Variants in RARB observed in about 807,000 individuals in gnomAD.
RARB encodes retinoic acid receptor beta.
In RARB, 17 loss-of-function variants were observed where a neutral mutation model predicts 51.9. The ratio of observed to expected loss-of-function variants is 0.33; its 90% confidence interval spans 0.22 to 0.49. The LOEUF (loss-of-function observed/expected upper bound fraction) is 0.49, where lower values mean the gene tolerates loss of function less well. Ranked by LOEUF, RARB falls within the 20% of genes least tolerant of loss-of-function variation. The pLI, the probability that RARB is intolerant of heterozygous loss-of-function variation, is 0.99. For missense variants in RARB, 369 were observed against 550.8 expected, an observed-to-expected ratio of 0.67 and a Z score of 3.30; for synonymous variants, 215 against 195.4, an observed-to-expected ratio of 1.10 and a Z score of -0.84.
chr3:25,006,194 A>G (rs998629116), intron 2 of RARB, among the ~76,000 whole-genome samples: 2 of 152,066 alleles, frequency 1.3e-5, no homozygotes, highest in African/African-American at 4.8e-5. Flanking sequence ...ACATTGCTTC[A>G]TTTGTATTCA....
chr3:24,960,328 G>C (rs780560081), intron 2 of RARB, among the ~76,000 whole-genome samples: 1 of 152,174 alleles, frequency 6.6e-6, no homozygotes, highest in African/African-American at 2.4e-5. Flanking sequence ...AGTAAGTTAT[G>C]CAGCACAGTG....
At position 25,062,973 on chromosome 3, in the gene RARB, G is replaced by A. The variant is rs150627326; in HGVS notation, c.-328+2797G>A. On this transcript the variant is annotated intron_variant, in intron 3 of 11. Coordinates refer to the RARB transcript ENST00000383772. ...AATGCACATGTTCAAAACTAGGAAC[G>A]ACAAAACTTGAGTCATACAACTCAT... Among the ~76,000 whole-genome samples, 29 of 151,986 alleles carry A rather than the reference G, an allele frequency of 1.9e-4. No homozygotes were observed. In the East Asian group the frequency reaches 2.7e-3, roughly 14 times the overall value.
intron 3 of RARB, among the ~76,000 whole-genome samples, chr3:25,509,952 T>C (rs1262728816): frequency 6.6e-6 from 1 of 152,130 alleles, no homozygotes; most frequent in African/African-American, 2.4e-5. Flanking sequence ...CCCAACCAAC[T>C]CCTGTCCACC....
chr3:25,153,512 G>C (rs1238925312), intron 4 of RARB, among the ~76,000 whole-genome samples: 1 of 152,168 alleles, frequency 6.6e-6, no homozygotes, highest in East Asian at 1.9e-4. Context: ...AATTCAATGA[G>C]GTTAGGGTTG....
intron 2 of RARB, among the ~76,000 whole-genome samples, chr3:24,943,943 GA>G (rs1695722014): frequency 6.6e-6 from 1 of 152,034 alleles, no homozygotes; most frequent in South Asian, 2.1e-4. Context: ...GTGAGGAGGG[GA>G]AAAAGAAAAA....
At chr3:25,595,749 A>C (rs1701793223) in intron 7 of RARB, among the ~76,000 whole-genome samples, 3 of 152,244 alleles carry the variant, frequency 2.0e-5, no homozygotes, top group Admixed American at 2.0e-4. Context: ...ATTTAAATTT[A>C]GCTACCTAGT....
intron 5 of RARB, among the ~76,000 whole-genome samples, chr3:25,384,566 T>C (rs958938514): frequency 6.6e-6 from 1 of 152,140 alleles, no homozygotes; most frequent in African/African-American, 2.4e-5. Context: ...CTTTGTAGCA[T>C]CAGAACTCTA....
chr3:24,850,841 T>C (rs1317788409), intron 1 of RARB, among the ~76,000 whole-genome samples: 1 of 152,166 alleles, frequency 6.6e-6, no homozygotes, highest in Non-Finnish European at 1.5e-5. Context: ...CAGAGGATGC[T>C]GATGCTGCCA....
Position 25,205,048 on chromosome 3 carries a change from C to T in RARB, c.178+30473C>T, listed in dbSNP as rs529908928. Among the ~76,000 whole-genome samples, 3 of 152,274 alleles carry T rather than the reference C, an allele frequency of 2.0e-5. No individual in the cohort carries two copies. In the South Asian group the frequency reaches 6.2e-4, roughly 32 times the overall value. ...GTGGAGTCTACAGAGGCAGGCAGAC[C>T]TCCTTGAGCTGTGGTGGGCTCTACC... is the stretch of plus-strand genomic sequence containing the variant. On this transcript the variant is annotated intron_variant, in intron 5 of 11. Coordinates refer to the RARB transcript ENST00000383772.
chr3:25,357,268 A>G (rs1183683686), intron 5 of RARB, among the ~76,000 whole-genome samples: 2 of 152,252 alleles, frequency 1.3e-5, no homozygotes, highest in African/African-American at 2.4e-5. Context: ...ATGACCAGTG[A>G]TAATGAGCTT....
intron 3 of RARB, among the ~76,000 whole-genome samples, chr3:25,506,334 A>G (rs1173040301): frequency 6.6e-6 from 1 of 151,542 alleles, no homozygotes; most frequent in Admixed American, 6.6e-5. Context: ...GGCCCTGTGC[A>G]GTAGCTCACA....
chr3:25,513,301 G>A (rs1697995200), intron 3 of RARB, among the ~76,000 whole-genome samples: 1 of 151,542 alleles, frequency 6.6e-6, no homozygotes, highest in African/African-American at 2.4e-5. Context: ...AAGAAAGAAA[G>A]AGACAGAGAG....
intron 5 of RARB, among the ~76,000 whole-genome samples, chr3:25,419,533 A>T (rs1294686983): frequency 2.0e-5 from 3 of 152,164 alleles, no homozygotes; most frequent in Non-Finnish European, 2.9e-5. Context: ...CAAGTTCTCT[A>T]AAGGTTCTCT....
intron 5 of RARB, among the ~76,000 whole-genome samples, chr3:25,384,426 CA>C (rs569455465): frequency 6.6e-6 from 1 of 152,172 alleles, no homozygotes; most frequent in Non-Finnish European, 1.5e-5. Context: ...CTATATTGGG[CA>C]AAAGGCTTGT....
chr3:24,831,595 T>C (rs775059639), intron 1 of RARB, among the ~76,000 whole-genome samples: 8 of 151,998 alleles, frequency 5.3e-5, no homozygotes, highest in South Asian at 4.2e-4. Flanking sequence ...AATTGTATAG[T>C]ATATTCCTTC....
intron 2 of RARB, among the ~76,000 whole-genome samples, chr3:24,881,744 G>A (rs1257782519): frequency 6.6e-6 from 1 of 152,196 alleles, no homozygotes; most frequent in African/African-American, 2.4e-5. Context: ...AATGATGGCT[G>A]TGGCAGGTGG....
At chr3:25,394,711 A>G (rs1707068574) in intron 5 of RARB, among the ~76,000 whole-genome samples, 1 of 152,162 alleles carries the variant, frequency 6.6e-6, no homozygotes, top group South Asian at 2.1e-4. Flanking sequence ...CTGATATAAG[A>G]AAAGCTAGTC....
chr3:25,262,144 C>T (rs1233659540), intron 5 of RARB, among the ~76,000 whole-genome samples: 1 of 152,170 alleles, frequency 6.6e-6, no homozygotes, highest in African/African-American at 2.4e-5. Context: ...TCATTTTTAA[C>T]CATTTCATTT....
chr3:25,099,098 G>A (rs781340861), intron 3 of RARB, among the ~76,000 whole-genome samples: 15 of 152,128 alleles, frequency 9.9e-5, no homozygotes, highest in Admixed American at 9.8e-4. Context: ...GTCTGTGAGA[G>A]GTAAATGATT....
Sources: gnomAD v4.1 joint callset for allele counts (sites outside exome capture counted in the v4.1 genomes callset) on GRCh38, gnomAD v4.1.1 for gene constraint, MANE v1.5 for transcripts, NCBI Gene and HGNC (gene_info 2026-07-23, HGNC 2026-07-21) for gene names.